The following PPP1R21 variants were observed in gnomAD, a reference collection of about 807,000 sequenced individuals.
PPP1R21 encodes the protein KLRAQ motif containing 1.
PPP1R21 carries 85 observed loss-of-function variants against 112.8 expected under a neutral mutation model. The ratio of observed to expected loss-of-function variants is 0.75; its 90% CI spans 0.63 to 0.90. PPP1R21 has a LOEUF of 0.90. Among genes scored for constraint, PPP1R21 ranks in the 40% least tolerant of loss-of-function variants. PPP1R21 has a pLI of 0.00. For missense variants in PPP1R21, 1,199 were observed against 901.5 expected (o/e 1.33, Z -4.23); for synonymous variants, 381 against 322.3 (o/e 1.18, Z -1.95).
In PPP1R21 at chr2:48,456,818, C is replaced by T. The variant is rs374364934; in HGVS notation, c.274-1308C>T. 1.2e-3 allele frequency among the ~76,000 whole-genome samples: 179 copies of T among 152,106 alleles called. 6 individuals carry two copies. In the South Asian group the frequency reaches 0.033, roughly 28 times the overall value. ...CTGTAATCCCAGCACTTTGGGAGGC[C>T]GAGGCGGGCAGATCAGGAGGTCAGG... On this transcript the variant is annotated intron_variant, in intron 3 of 21. Coordinates refer to ENST00000294952, the MANE Select transcript of PPP1R21 (RefSeq NM_001135629.3).
intron 6 of PPP1R21, 108 bp downstream of exon 6, chr2:48,460,261 A>G: frequency 9.2e-7 from 1 of 1,086,718 alleles, no homozygotes; most frequent in Non-Finnish European, 1.4e-6. Flanking sequence ...TAAAAGGAGA[A>G]AATGGGAGTA....
chr2:48,513,288 T>G (rs912663393), intron 21 of PPP1R21, among the ~76,000 whole-genome samples: 1 of 151,946 alleles, frequency 6.6e-6, no homozygotes, highest in Non-Finnish European at 1.5e-5. Context: ...CACTGCAACC[T>G]TCACCTCCCA....
At chr2:48,478,089 G>A (rs1445843032) in intron 12 of PPP1R21, among the ~76,000 whole-genome samples, 1 of 152,202 alleles carries the variant, frequency 6.6e-6, no homozygotes, top group Non-Finnish European at 1.5e-5. Flanking sequence ...TGCTGCCACA[G>A]GCAAGTAACA....
chr2:48,458,292 C>G (rs1370117763), intron 4 of PPP1R21, 65 bp downstream of exon 4: 2 of 1,019,086 alleles, frequency 2.0e-6, no homozygotes, highest in South Asian at 1.3e-5. Context: ...TGTGGAAAAG[C>G]TAATGCACAT....
intron 12 of PPP1R21, among the ~76,000 whole-genome samples, chr2:48,477,810 T>A (rs764136251): frequency 9.9e-5 from 15 of 152,142 alleles, no homozygotes; most frequent in Non-Finnish European, 1.9e-4. Flanking sequence ...TAGATCATTT[T>A]GGAGAGGGTT....
intron 19 of PPP1R21, among the ~76,000 whole-genome samples, chr2:48,507,952 A>T (rs938540544): frequency 1.3e-5 from 2 of 150,700 alleles, no homozygotes; most frequent in East Asian, 2.0e-4. Flanking sequence ...TTTTGTAGAG[A>T]TGGAGTTTCA....
At chr2:48,458,904 A>C (rs1667847002) in intron 4 of PPP1R21, among the ~76,000 whole-genome samples, 1 of 152,022 alleles carries the variant, frequency 6.6e-6, no homozygotes, top group African/African-American at 2.4e-5. Context: ...CATCCTGGCT[A>C]ACACGGTGAA....
At chr2:48,450,650 C>T (rs1468886782) in intron 1 of PPP1R21, among the ~76,000 whole-genome samples, 1 of 152,156 alleles carries the variant, frequency 6.6e-6, no homozygotes, top group Non-Finnish European at 1.5e-5. Flanking sequence ...TTTCAAGGAA[C>T]ATGGCATATT....
intron 8 of PPP1R21, 137 bp from the exon 9 acceptor site, chr2:48,465,356 C>T: frequency 1.1e-6 from 1 of 877,622 alleles, no homozygotes; most frequent in Non-Finnish European, 1.7e-6. Flanking sequence ...TATTAAAATT[C>T]AAGTGGGAGC....
At chr2:48,449,788 A>G (rs1238704952) in intron 1 of PPP1R21, among the ~76,000 whole-genome samples, 2 of 151,324 alleles carry the variant, frequency 1.3e-5, no homozygotes, top group Non-Finnish European at 2.9e-5. Flanking sequence ...AAGCTCACAT[A>G]CAAAGATGTC....
chr2:48,495,758 G>T lies in PPP1R21; in HGVS notation c.1679G>T (p.Gly560Val), dbSNP rs142541304. 7,631 of 1,594,452 alleles carry T rather than the reference G, an allele frequency of 4.8e-3. 58 individuals carry two copies. Among genetic ancestry groups the T allele is most frequent in the South Asian group, 0.018 (1,609 of 90,706 alleles). Residue 560 changes from glycine (G) to valine (V), a missense_variant, in exon 16 of 22, where the codon GGC (glycine) becomes GTC (valine). Physicochemically the swap from Gly to Val is moderately radical, Grantham distance 109. Transcript: ENST00000294952. ...CTCAGCTCTACTGAAAGTCGAGAAG[G>T]CCTTGCACAGCAAGTATGGCACTGG... ...ILLSSTESRE[G>V]LAQQVQQSLE...
intron 6 of PPP1R21, 138 bp downstream of exon 6, chr2:48,460,291 A>G: frequency 1.2e-6 from 1 of 812,508 alleles, no homozygotes; most frequent in South Asian, 1.8e-5. Context: ...GTCCTTTTCA[A>G]TTCTGGGATC....
intron 15 of PPP1R21, among the ~76,000 whole-genome samples, chr2:48,493,895 A>G (rs1005554038): frequency 1.3e-5 from 2 of 151,886 alleles, no homozygotes; most frequent in South Asian, 2.1e-4. Flanking sequence ...TTGACTTATG[A>G]TGGGATTACG....
In PPP1R21 at chr2:48,465,956, A is replaced by G. The variant is rs769389647; in HGVS notation, c.897+314A>G. Among the ~76,000 whole-genome samples the G allele has an allele frequency of 7.9e-5, 12 of 152,314 alleles. No homozygotes were observed. In the South Asian group the frequency reaches 1.2e-3, roughly 16 times the overall value. Reference sequence around the variant, plus strand: ...TCCACATGGCTGGGGAGGCCTCACAATCAAGGCAAAGAGGAGCAAGTCATG... The same window carrying G: ...TCCACATGGCTGGGGAGGCCTCACAGTCAAGGCAAAGAGGAGCAAGTCATG... On this transcript the variant is annotated intron_variant, in intron 9 of 21. Coordinates refer to ENST00000294952, the MANE Select transcript of PPP1R21 (RefSeq NM_001135629.3).
At position 48,458,145 on chromosome 2, in the gene PPP1R21, C is replaced by G. The variant is rs563098352; in HGVS notation, c.293C>G (p.Ser98Cys). ...CATCAGAAAAGTGGAGAATCTTCTT[C>G]TCAGTTGAGTCAAGAGCAGAAGAGT... The part of the protein sequence containing the change: ...KKNKKSGESS[S>C]QLSQEQKSVF... The change falls in exon 4 of 22, where the codon TCT (serine) becomes TGT (cysteine). Residue 98 changes from serine (S) to cysteine (C), a missense_variant. Physicochemically the swap from Ser to Cys is moderately radical, Grantham distance 112. Coordinates refer to ENST00000294952, the MANE Select transcript of PPP1R21 (RefSeq NM_001135629.3). The G allele has an allele frequency of 1.9e-6, 3 of 1,611,316 alleles. No homozygotes were observed. In the East Asian group the frequency reaches 6.7e-5, roughly 36 times the overall value.
chr2:48,498,360 C>T (rs995911847), intron 16 of PPP1R21, 133 bp from the exon 17 acceptor site: 27 of 762,968 alleles, frequency 3.5e-5, no homozygotes, highest in East Asian at 1.1e-4. Context: ...TCTTCCTATT[C>T]GAGGGTCAAA....
chr2:48,469,734 A>C (rs1431840025), intron 9 of PPP1R21, among the ~76,000 whole-genome samples: 1 of 151,920 alleles, frequency 6.6e-6, no homozygotes, highest in Non-Finnish European at 1.5e-5. Context: ...ATTACTTTGA[A>C]TAATTCATGT....
chr2:48,484,806 C>A (rs1669204169), intron 13 of PPP1R21, among the ~76,000 whole-genome samples: 1 of 152,216 alleles, frequency 6.6e-6, no homozygotes, highest in South Asian at 2.1e-4. Flanking sequence ...TGAGCCACTG[C>A]ATCCTGCCAA....
At chr2:48,443,932 T>G (rs2103726160) in intron 1 of PPP1R21, among the ~76,000 whole-genome samples, 2 of 152,290 alleles carry the variant, frequency 1.3e-5, no homozygotes, top group South Asian at 4.1e-4. Context: ...GCAAGCATGA[T>G]CCCTAAGCCA....
Sources: gnomAD v4.1 joint callset for allele counts (sites outside exome capture counted in the v4.1 genomes callset) on GRCh38, gnomAD v4.1.1 for gene constraint, MANE v1.5 for transcripts, NCBI Gene and HGNC (gene_info 2026-07-23, HGNC 2026-07-21) for gene names.